The following UNC13C variants were observed in gnomAD, a reference collection of about 807,000 sequenced individuals.
UNC13C encodes protein unc-13 homolog C.
UNC13C carries 174 observed loss-of-function variants against 245.4 expected under a neutral mutation model. That is an observed-to-expected ratio of 0.71 (90% CI 0.63 to 0.80). The LOEUF (loss-of-function observed/expected upper bound fraction) is 0.80. UNC13C is among the 30% of genes least tolerant of loss of function. The pLI is 0.00. For missense variants in UNC13C, 2,829 were observed against 2,602.9 expected, an observed-to-expected ratio of 1.09 and a Z score of -1.89; for synonymous variants, 992 against 895.1, an observed-to-expected ratio of 1.11 and a Z score of -1.93.
At chr15:54,262,175 G>A (rs913197014) in intron 8 of UNC13C, among the ~76,000 whole-genome samples, 3 of 152,140 alleles carry the variant, frequency 2.0e-5, no homozygotes, top group Non-Finnish European at 4.4e-5. Context: ...TTGTGTGCAT[G>A]GTAGTTAGAT....
chr15:54,055,849 T>G (rs539878051), intron 2 of UNC13C, among the ~76,000 whole-genome samples: 30 of 152,246 alleles, frequency 2.0e-4, no homozygotes, highest in South Asian at 4.1e-4. Flanking sequence ...GTCCAATGGG[T>G]ACATTTATCA....
At chr15:54,292,541 T>A (rs946461644) in intron 10 of UNC13C, among the ~76,000 whole-genome samples, 1 of 151,978 alleles carries the variant, frequency 6.6e-6, no homozygotes, top group African/African-American at 2.4e-5. Context: ...TTTTGCCTTA[T>A]AAGTTAATGA....
At chr15:54,566,129 T>G (rs1392514536) in intron 29 of UNC13C, among the ~76,000 whole-genome samples, 1 of 152,014 alleles carries the variant, frequency 6.6e-6, no homozygotes, top group East Asian at 1.9e-4. Context: ...GTTATTTCTT[T>G]GGATGGCTCC....
chr15:54,403,739 A>AG (rs57532730), intron 18 of UNC13C, among the ~76,000 whole-genome samples: 1 of 149,496 alleles, frequency 6.7e-6, no homozygotes, highest in Non-Finnish European at 1.5e-5. Context: ...AAAAAAAAAA[A>AG]GGCTTACATA....
At chr15:53,871,698 G>C in the UNC13C span, among the ~76,000 whole-genome samples, 1 of 152,162 alleles carries the variant, frequency 6.6e-6, no homozygotes, top group African/African-American at 2.4e-5. Flanking sequence ...GGCTGGACTT[G>C]GTTCAGGTCT....
At chr15:54,616,948 A>G (rs1382760548) in intron 30 of UNC13C, among the ~76,000 whole-genome samples, 1 of 152,052 alleles carries the variant, frequency 6.6e-6, no homozygotes, top group East Asian at 1.9e-4. Flanking sequence ...CTATGTTTAG[A>G]TACACAAATA....
intron 8 of UNC13C, among the ~76,000 whole-genome samples, chr15:54,261,939 G>A (rs2036438486): frequency 1.3e-5 from 2 of 152,172 alleles, no homozygotes. Context: ...TCCACCGATT[G>A]GCAATTTCAG....
chr15:53,910,167 A>T, the UNC13C span, among the ~76,000 whole-genome samples: 2 of 144,716 alleles, frequency 1.4e-5, no homozygotes, highest in Non-Finnish European at 3.1e-5. Context: ...CAAGTGCAGG[A>T]CCCAGGTGTT....
At chr15:54,135,028 T>A (rs145739939) in intron 2 of UNC13C, among the ~76,000 whole-genome samples, 1 of 152,166 alleles carries the variant, frequency 6.6e-6, no homozygotes, top group African/African-American at 2.4e-5. Flanking sequence ...TGAGGTGATA[T>A]CTCATTTTGG....
intron 17 of UNC13C, among the ~76,000 whole-genome samples, chr15:54,377,222 G>A (rs1229547481): frequency 6.6e-6 from 1 of 152,216 alleles, no homozygotes; most frequent in Admixed American, 6.5e-5. Flanking sequence ...CAAGCATCAA[G>A]AGCAGAGACA....
At chr15:54,605,441 A>C (rs28700587) in intron 30 of UNC13C, among the ~76,000 whole-genome samples, 5,967 of 152,258 alleles carry the variant, frequency 0.039, 217 homozygotes, top group Admixed American at 0.12. Context: ...GAAGCTCTCA[A>C]AAATACTCTT....
intron 19 of UNC13C, among the ~76,000 whole-genome samples, chr15:54,427,768 G>A (rs567858791): frequency 1.6e-4 from 24 of 151,576 alleles, no homozygotes; most frequent in Admixed American, 2.6e-4. Flanking sequence ...AAATGTTCTC[G>A]ACTTAGTTAT....
Position 54,579,248 on chromosome 15 carries a change from CT to C in UNC13C, c.6106+11302del, listed in dbSNP as rs1378552029. ...TGAAAGTGTGGTTGATTTTTTTTCT[CT>C]GCCTGCTTATGGTTTTCTGTACTTT... On this transcript the variant is annotated intron_variant, in intron 30 of 32. Transcript: ENST00000260323. Among the ~76,000 whole-genome samples, 7 of 152,194 alleles carry C rather than the reference CT, an allele frequency of 4.6e-5. 1 individual carries two copies. The highest frequency in any genetic ancestry group is 1.7e-4 in the African/African-American group (7 of 41,532).
chr15:54,543,063 C>T (rs566146324), intron 26 of UNC13C, among the ~76,000 whole-genome samples: 14 of 152,010 alleles, frequency 9.2e-5, no homozygotes, highest in Non-Finnish European at 1.8e-4. Context: ...GGTTATTTTG[C>T]CCATTAGTTG....
chr15:54,440,268 T>G (rs966606830), intron 19 of UNC13C, among the ~76,000 whole-genome samples: 2 of 152,044 alleles, frequency 1.3e-5, no homozygotes, highest in African/African-American at 2.4e-5. Flanking sequence ...TTTACAGAAC[T>G]GTGAGTCAAT....
In UNC13C at chr15:54,351,295, G is replaced by T. The variant is rs548910748; in HGVS notation, c.4713+12806G>T. ...TTTTAACAAGTTAGTAGAATGATAC[G>T]TGACATTAAGCAACTATTCCATTAA... is the stretch of plus-strand genomic sequence containing the variant. On this transcript the variant is annotated intron_variant, in intron 17 of 32. Coordinates refer to ENST00000260323, the MANE Select transcript of UNC13C (RefSeq NM_001080534.3). 8.7e-4 allele frequency among the ~76,000 whole-genome samples: 133 copies of T among 152,194 alleles called. 1 individual carries two copies. The highest frequency in any genetic ancestry group is 2.9e-3 in the African/African-American group (122 of 41,550).
intron 30 of UNC13C, among the ~76,000 whole-genome samples, chr15:54,614,670 T>C (rs1011461258): frequency 3.3e-5 from 5 of 152,156 alleles, no homozygotes; most frequent in Admixed American, 2.0e-4. Flanking sequence ...AACTAGGTAT[T>C]GTGTAATTTT....
intron 2 of UNC13C, among the ~76,000 whole-genome samples, chr15:54,079,037 A>G (rs1898790776): frequency 1.3e-5 from 2 of 152,130 alleles, no homozygotes; most frequent in Admixed American, 6.5e-5. Context: ...GTGTCTAGCC[A>G]GTTTTCCCAG....
intron 2 of UNC13C, among the ~76,000 whole-genome samples, chr15:54,030,408 G>A (rs1034203599): frequency 1.3e-5 from 2 of 152,200 alleles, no homozygotes; most frequent in African/African-American, 4.8e-5. Flanking sequence ...AAAGGTAACT[G>A]TGAAAAAGGT....
Sources: gnomAD v4.1 joint callset for allele counts (sites outside exome capture counted in the v4.1 genomes callset) on GRCh38, gnomAD v4.1.1 for gene constraint, MANE v1.5 for transcripts, NCBI Gene and HGNC (gene_info 2026-07-23, HGNC 2026-07-21) for gene names.